The following PDE10A variants were observed in gnomAD, a reference collection of about 807,000 sequenced individuals.
The protein encoded by PDE10A is cAMP and cAMP-inhibited cGMP 3',5'-cyclic phosphodiesterase 10A.
In PDE10A, 39 loss-of-function variants were observed where a neutral mutation model predicts 97.7. The ratio of observed to expected loss-of-function variants is 0.40; its 90% confidence interval spans 0.31 to 0.52. The LOEUF (loss-of-function observed/expected upper bound fraction) is 0.52. PDE10A is among the 20% of genes least tolerant of loss of function. The probability of loss-of-function intolerance (pLI) is 0.56; values close to 1 mark genes in which losing one functional copy is unlikely to be tolerated. For missense variants in PDE10A, 731 were observed against 1,047.8 expected (o/e 0.70, Z 4.17); for synonymous variants, 371 against 376.8 (o/e 0.98, Z 0.18).
rs59564660 is a variant in PDE10A, at chr6:165,711,076, G to C, written c.-614-167508C>G. On this transcript the variant is annotated intron_variant, in intron 1 of 19. Coordinates refer to the PDE10A transcript ENST00000366882. The surrounding 1 kb of genome is among the most constrained non-coding windows in gnomAD (Gnocchi z 4.5). ...GCTGGGTCATCGCTCATCTGCGCCC[G>C]GGGGTCTGTCCCGCTCCTCAAAGCC... Among the ~76,000 whole-genome samples, 1 of 152,358 alleles carries C rather than the reference G, an allele frequency of 6.6e-6. No homozygotes were observed. The highest frequency in any genetic ancestry group is 1.9e-4 in the East Asian group (1 of 5,184).
intron 2 of PDE10A, among the ~76,000 whole-genome samples, chr6:165,487,407 C>A (rs1020042346): frequency 6.6e-6 from 1 of 152,190 alleles, no homozygotes; most frequent in Non-Finnish European, 1.5e-5. Context: ...AGGGCTTCCA[C>A]TAATTCTACA....
intron 1 of PDE10A, among the ~76,000 whole-genome samples, chr6:165,881,653 C>T (rs1013723441): frequency 6.6e-5 from 10 of 151,222 alleles, no homozygotes; most frequent in Non-Finnish European, 1.2e-4. Flanking sequence ...TCCGCCTGCC[C>T]GCTCCCAAAG....
At chr6:165,962,544 A>T (rs550228330) in intron 1 of PDE10A, among the ~76,000 whole-genome samples, 2 of 143,842 alleles carry the variant, frequency 1.4e-5, no homozygotes, top group African/African-American at 4.9e-5. Flanking sequence ...CTGGGACAGG[A>T]TGTGCTAAGG....
intron 1 of PDE10A, among the ~76,000 whole-genome samples, chr6:165,787,948 T>C (rs745640691): frequency 6.6e-6 from 1 of 152,236 alleles, no homozygotes; most frequent in Non-Finnish European, 1.5e-5. Context: ...TGCTATATTA[T>C]AGCACAATCT....
chr6:165,874,218 A>G (rs570454532), intron 1 of PDE10A, among the ~76,000 whole-genome samples: 2 of 152,220 alleles, frequency 1.3e-5, no homozygotes, highest in South Asian at 4.2e-4. Flanking sequence ...GCTTTTTCTC[A>G]TTTTGCCTTC....
At chr6:165,371,953 A>C (rs1223828302) in intron 18 of PDE10A, among the ~76,000 whole-genome samples, 1 of 151,786 alleles carries the variant, frequency 6.6e-6, no homozygotes, top group African/African-American at 2.4e-5. Context: ...AATCCAGCAT[A>C]TAAACAGAAC....
chr6:165,414,342 T>C lies in PDE10A; in HGVS notation c.1890-655A>G, dbSNP rs570971462. Among the ~76,000 whole-genome samples, 11 of 152,266 alleles carry C rather than the reference T, an allele frequency of 7.2e-5. 1 individual carries two copies. Among genetic ancestry groups the C allele is most frequent in the Admixed American group, 7.2e-4 (11 of 15,306 alleles). On this transcript the variant is annotated intron_variant, in intron 12 of 21. Coordinates refer to ENST00000539869, the MANE Select transcript of PDE10A (RefSeq NM_001385079.1). The stretch of plus-strand genomic sequence containing the variant: ...AATAGAAAAGGCTTGCTGACTCCTA[T>C]TGTGAGGACATGTTTTTGGAAAACA...
intron 2 of PDE10A, among the ~76,000 whole-genome samples, chr6:165,513,884 T>C (rs1395864854): frequency 2.0e-5 from 3 of 152,174 alleles, no homozygotes; most frequent in East Asian, 1.9e-4. Context: ...TCATTAGTTT[T>C]GTAGTTTTTT....
rs1487249306 is a variant in PDE10A at position 165,671,983 on chromosome 6, C to T, written c.-614-128415G>A. On this transcript the variant is annotated intron_variant, in intron 1 of 19. Coordinates refer to the PDE10A transcript ENST00000366882. This position sits in a 1 kb window ranked among gnomAD's most constrained non-coding sequence, Gnocchi z 4.6. ...GTTTTCAGTCAAACTATATTACTTCCGTAACCGTAAAATACTGGTGAAGTC... is the reference window on the plus strand; with the variant it reads ...GTTTTCAGTCAAACTATATTACTTCTGTAACCGTAAAATACTGGTGAAGTC... Among the ~76,000 whole-genome samples the T allele has an allele frequency of 3.9e-5, 6 of 152,230 alleles. No homozygotes were observed. The highest frequency in any genetic ancestry group is 1.9e-4 in the East Asian group (1 of 5,188).
intron 1 of PDE10A, among the ~76,000 whole-genome samples, chr6:165,608,134 T>A (rs1176436022): frequency 1.3e-5 from 2 of 150,146 alleles, no homozygotes; most frequent in Non-Finnish European, 3.0e-5. Flanking sequence ...TATTATACTT[T>A]AAGTTCTAGG....
At chr6:165,367,694 T>C (rs1366285716) in intron 18 of PDE10A, among the ~76,000 whole-genome samples, 2 of 151,474 alleles carry the variant, frequency 1.3e-5, no homozygotes, top group African/African-American at 4.9e-5. Context: ...GAAGACCATT[T>C]ACTGACTTTT....
intron 12 of PDE10A, 82 bp downstream of exon 12, chr6:165,416,107 C>A (rs1788291496): frequency 1.1e-6 from 1 of 892,234 alleles, no homozygotes; most frequent in Non-Finnish European, 1.9e-6. Flanking sequence ...ACGTGGAGAA[C>A]TCAGGCTCCA....
chr6:165,391,365 C>T (rs220796), intron 16 of PDE10A, among the ~76,000 whole-genome samples: 32,865 of 152,022 alleles, frequency 0.22, 3,824 homozygotes, highest in Middle Eastern at 0.3. Flanking sequence ...AAGTTTTTCT[C>T]ACTTATTGTT....
At chr6:165,914,733 A>G (rs750001628) in intron 1 of PDE10A, among the ~76,000 whole-genome samples, 14 of 152,234 alleles carry the variant, frequency 9.2e-5, no homozygotes, top group Non-Finnish European at 1.8e-4. Context: ...CCTTCTGTCT[A>G]TATTTCAGTG....
chr6:165,976,586 C>T (rs529887444), intron 1 of PDE10A, among the ~76,000 whole-genome samples: 3 of 152,314 alleles, frequency 2.0e-5, no homozygotes, highest in South Asian at 2.1e-4. Flanking sequence ...TTCCTGGACT[C>T]GCCTGACTCT....
intron 1 of PDE10A, among the ~76,000 whole-genome samples, chr6:165,925,783 T>C (rs765500428): frequency 6.6e-6 from 1 of 152,216 alleles, no homozygotes; most frequent in Non-Finnish European, 1.5e-5. Flanking sequence ...AGTGATAGAA[T>C]TGTGTTTATA....
chr6:165,406,332 C>T (rs1467314940), intron 13 of PDE10A, among the ~76,000 whole-genome samples: 2 of 150,740 alleles, frequency 1.3e-5, no homozygotes, highest in African/African-American at 2.4e-5. Context: ...TGACTCAATG[C>T]ACTGGTATAA....
intron 1 of PDE10A, among the ~76,000 whole-genome samples, chr6:165,629,700 AT>A (rs1788546060): frequency 6.6e-6 from 1 of 151,734 alleles, no homozygotes; most frequent in South Asian, 2.1e-4. Context: ...CACCCGGCTA[AT>A]TTTTGTATTT....
chr6:165,782,612 C>A (rs1778373850), intron 1 of PDE10A, among the ~76,000 whole-genome samples: 1 of 152,222 alleles, frequency 6.6e-6, no homozygotes, highest in African/African-American at 2.4e-5. Flanking sequence ...TCCTCTGGAA[C>A]TTGGAACTCT....
Sources: gnomAD v4.1 joint callset for allele counts (sites outside exome capture counted in the v4.1 genomes callset) on GRCh38, gnomAD v4.1.1 for gene constraint, Gnocchi (gnomAD v3.1) non-coding constraint, MANE v1.5 for transcripts, NCBI Gene and HGNC (gene_info 2026-07-23, HGNC 2026-07-21) for gene names.